Variants in ZNF14 observed in about 807,000 individuals in gnomAD.
ZNF14 encodes the protein gonadotropin inducible transcription repressor-4.
A neutral mutation model predicts 11.3 loss-of-function variants in ZNF14; 9 were observed. That is an observed-to-expected ratio of 0.80 (90% CI 0.48 to 1.39). The LOEUF is 1.39. Ranked by LOEUF, ZNF14 falls within the 40% of genes most tolerant of loss-of-function variation. The pLI is 0.00. For synonymous variants in ZNF14, 239 were observed against 245.7 expected (o/e 0.97, Z 0.25); for missense variants, 711 against 763.9 (o/e 0.93, Z 0.82).
intron 1 of ZNF14, among the ~76,000 whole-genome samples, chr19:19,718,391 G>A (rs2062383383): frequency 1.3e-5 from 2 of 152,146 alleles, no homozygotes; most frequent in Non-Finnish European, 2.9e-5. Flanking sequence ...TCAATACAGT[G>A]GAAATGTCTG....
chr19:19,721,835 CA>C (rs2062394040), intron 1 of ZNF14, among the ~76,000 whole-genome samples: 1 of 151,918 alleles, frequency 6.6e-6, no homozygotes, highest in Non-Finnish European at 1.5e-5. Context: ...TGGTGGCAGC[CA>C]CCTGTAATCC....
chr19:19,713,800 C>T (rs1375926871), intron 3 of ZNF14, among the ~76,000 whole-genome samples: 1 of 140,988 alleles, frequency 7.1e-6, no homozygotes, highest in East Asian at 2.2e-4. Flanking sequence ...CCAGGCTGGT[C>T]TTGAATTCCA....
At chr19:19,721,413 A>G (rs1049894211) in intron 1 of ZNF14, among the ~76,000 whole-genome samples, 4 of 152,326 alleles carry the variant, frequency 2.6e-5, no homozygotes, top group Non-Finnish European at 5.9e-5. Context: ...ATACTTATTG[A>G]CTACAGGTAA....
chr19:19,713,159 T>C, intron 3 of ZNF14, 70 bp from the exon 4 acceptor site: 1 of 1,411,488 alleles, frequency 7.1e-7, no homozygotes, highest in Non-Finnish European at 9.6e-7. Context: ...GGTATGAGAA[T>C]TACATTTTAA....
chr19:19,727,574 C>G (rs2062409825), intron 1 of ZNF14, among the ~76,000 whole-genome samples: 1 of 133,982 alleles, frequency 7.5e-6, no homozygotes, highest in South Asian at 2.4e-4. Flanking sequence ...AATGCCAACT[C>G]ATACCTAAAA....
chr19:19,728,941 T>C (rs972613279), intron 1 of ZNF14, among the ~76,000 whole-genome samples: 4 of 152,172 alleles, frequency 2.6e-5, no homozygotes, highest in Admixed American at 2.0e-4. Context: ...AAAATCCTCA[T>C]AGTAGAATTA....
intron 1 of ZNF14, among the ~76,000 whole-genome samples, chr19:19,719,001 A>G (rs975088832): frequency 2.6e-5 from 4 of 152,158 alleles, no homozygotes; most frequent in African/African-American, 9.7e-5. Context: ...CCTGGCCCCA[A>G]GTGATCTGCC....
intron 1 of ZNF14, among the ~76,000 whole-genome samples, chr19:19,715,297 G>A (rs548064693): frequency 1.3e-5 from 2 of 152,346 alleles, no homozygotes; most frequent in East Asian, 3.9e-4. Flanking sequence ...CAGGAGGCCT[G>A]TGGAAAGCTA....
chr19:19,712,572 A>T lies in ZNF14; in HGVS notation c.709T>A (p.Ser237Thr), dbSNP rs1321279629. 1 of 1,612,908 alleles carries T rather than the reference A, an allele frequency of 6.2e-7. No individual in the cohort carries two copies. Among genetic ancestry groups the T allele is most frequent in the East Asian group, 2.2e-5 (1 of 44,872 alleles). The change falls in exon 4 of 4, where the codon TCT (serine) becomes ACT (threonine). Residue 237 changes from serine (S) to threonine (T), a missense_variant. Transcript: ENST00000344099. ...QCGKAFICYQ[S>T]FQRHKRTHTG... ...TGAGTCCTTTTGTGTCTTTGAAAAGATTGGTAACATATAAAGGCTTTCCCA... is the reference window on the plus strand; with the variant it reads ...TGAGTCCTTTTGTGTCTTTGAAAAGTTTGGTAACATATAAAGGCTTTCCCA...
At position 19,711,869 on chromosome 19, in the gene ZNF14, C is replaced by G. The variant is rs776479330; in HGVS notation, c.1412G>C (p.Gly471Ala). The change falls in exon 4 of 4, where the codon GGA (glycine) becomes GCA (alanine). Residue 471 changes from glycine to alanine, a missense_variant. Transcript: ENST00000344099. ...YFRIHERSHTGEKPYECKQCG... is the reference protein window; with the variant it reads ...YFRIHERSHTAEKPYECKQCG... ...CTGTTTACATTCATAGGGTTTCTCTCCAGTGTGTGACCTTTCATGAATTCG... is the reference window on the plus strand; with the variant it reads ...CTGTTTACATTCATAGGGTTTCTCTGCAGTGTGTGACCTTTCATGAATTCG... 1.1e-5 allele frequency: 17 copies of G among 1,614,046 alleles called. No homozygotes were observed. The South Asian group carries it at 1.9e-4, about 18-fold the overall frequency.
rs767984531 is a variant in ZNF14, at chr19:19,711,535, CGT to C, written c.1744_1745del (p.Thr582GlyfsTer8). 1 of 1,610,126 alleles carries C rather than the reference CGT, an allele frequency of 6.2e-7. No homozygotes were observed. The highest frequency in any genetic ancestry group is 8.5e-7 in the Non-Finnish European group (1 of 1,178,604). The part of the protein sequence containing the change: ...SKFRMHERTH[T>X]GEKPYRCKQC... Reference sequence around the variant, plus strand: ...GTTTACATCGATAGGGTTTCTCTCCCGTGTGAGTTCTCTCATGCATTCGAAAT... The same window carrying C: ...GTTTACATCGATAGGGTTTCTCTCCCGTGAGTTCTCTCATGCATTCGAAAT... On this transcript the variant is annotated frameshift_variant, in exon 4 of 4. Coordinates refer to ENST00000344099, the MANE Select transcript of ZNF14 (RefSeq NM_021030.3). LOFTEE classifies it low-confidence loss of function (END_TRUNC).
At chr19:19,719,321 T>C (rs375601768) in intron 1 of ZNF14, among the ~76,000 whole-genome samples, 2 of 152,124 alleles carry the variant, frequency 1.3e-5, no homozygotes, top group East Asian at 3.9e-4. Context: ...TAAATACAAG[T>C]AAAATACAAT....
In ZNF14 at chr19:19,712,985, C is replaced by A. The variant is rs769692758; in HGVS notation, c.296G>T (p.Gly99Val). The A allele has an allele frequency of 1.1e-5, 18 of 1,614,012 alleles. No homozygotes were observed. In the Admixed American group the frequency reaches 2.3e-4, roughly 21 times the overall value. The stretch of plus-strand genomic sequence containing the variant: ...AAAGCTGCATTCATGTGGTTTTGCT[C>A]CAGTAAAAGTTTCCTTGTTGATATT... ...NVNINKETFT[G>V]AKPHECSFCG... The change falls in exon 4 of 4, where the codon GGA becomes GTA. Residue 99 changes from glycine to valine, a missense_variant. By Grantham distance (109) the Gly-to-Val change is moderately radical. Transcript: ENST00000344099.
chr19:19,711,996 T>C lies in ZNF14; in HGVS notation c.1285A>G (p.Ser429Gly). The C allele has an allele frequency of 1.2e-6, 2 of 1,614,048 alleles. No individual in the cohort carries two copies. Among genetic ancestry groups the C allele is most frequent in the Non-Finnish European group, 1.7e-6 (2 of 1,179,998 alleles). ...TGTCTTTGAAGGGAACTTGAAAAAC[T>C]GAAGGTTTTACCACATTGTTTACAT... ...YECKQCGKTF[S>G]FSSSLQRHER... Residue 429 changes from serine (S) to glycine (G), a missense_variant, in exon 4 of 4, where the codon AGT (serine) becomes GGT (glycine). Coordinates refer to ENST00000344099, the MANE Select transcript of ZNF14 (RefSeq NM_021030.3).
At chr19:19,719,833 AAAG>A (rs1190759906) in intron 1 of ZNF14, among the ~76,000 whole-genome samples, 2 of 152,242 alleles carry the variant, frequency 1.3e-5, no homozygotes, top group African/African-American at 4.8e-5. Flanking sequence ...ACGGTGTTGA[AAAG>A]AAACACATTT....
chr19:19,733,104 G>A lies in ZNF14; in HGVS notation c.-146C>T. ...CTTCCCATGGGCCAGGAATGGCGACGTCCGCACTGCGCAGGCCCAGCGTGG... is the reference window on the plus strand; with the variant it reads ...CTTCCCATGGGCCAGGAATGGCGACATCCGCACTGCGCAGGCCCAGCGTGG... On this transcript the variant is annotated 5_prime_UTR_variant, in exon 1 of 4. In the 5' UTR this introduces an upstream ATG that the reference lacks. Coordinates refer to ENST00000344099, the MANE Select transcript of ZNF14 (RefSeq NM_021030.3). The A allele has an allele frequency of 1.0e-6, 1 of 999,834 alleles. No homozygotes were observed. Among genetic ancestry groups the A allele is most frequent in the Non-Finnish European group, 1.5e-6 (1 of 675,632 alleles). 61.9% of individuals were successfully genotyped at this position (999,834 alleles called of 1,614,324 possible).
rs2062428660 is a variant in ZNF14, at chr19:19,733,014, G to C, written c.-56C>G. ...CCCTACGGATCTGTCAGTACCTGCA[G>C]GTCACGGCGCGACAAAGGATGCGCT... On this transcript the variant is annotated 5_prime_UTR_variant, in exon 1 of 4. Transcript: ENST00000344099. The C allele has an allele frequency of 6.2e-7, 1 of 1,603,854 alleles. No homozygotes were observed. Among genetic ancestry groups the C allele is most frequent in the South Asian group, 1.1e-5 (1 of 90,060 alleles).
chr19:19,719,525 C>T (rs2062386591), intron 1 of ZNF14, among the ~76,000 whole-genome samples: 1 of 152,072 alleles, frequency 6.6e-6, no homozygotes. Context: ...TACAAGAGGA[C>T]TTGGGTTACT....
Position 19,733,052 on chromosome 19 carries a change from G to A in ZNF14, c.-94C>T, listed in dbSNP as rs1203059381. 1.4e-4 allele frequency: 211 copies of A among 1,511,036 alleles called. 1 individual carries two copies. Among genetic ancestry groups the A allele is most frequent in the Admixed American group, 3.9e-5 (2 of 51,576 alleles). The allele number at this position is 1,511,036 out of a possible 1,614,324, so 93.6% of individuals were successfully genotyped here. A position where few individuals can be genotyped will look rare whatever the true frequency, so the allele number is the denominator to read the frequency against. On this transcript the variant is annotated 5_prime_UTR_variant, in exon 1 of 4. Coordinates refer to ENST00000344099, the MANE Select transcript of ZNF14 (RefSeq NM_021030.3). ...CAAAGGATGCGCTAGAGCCACCTTC[G>A]GCCTTCAGGAGCAGGTGAAACGCAA...
Sources: gnomAD v4.1 joint callset for allele counts (sites outside exome capture counted in the v4.1 genomes callset) on GRCh38, gnomAD v4.1.1 for gene constraint, MANE v1.5 for transcripts, NCBI Gene and HGNC (gene_info 2026-07-23, HGNC 2026-07-21) for gene names.